The following DCTD variants were observed in gnomAD, a reference collection of about 807,000 sequenced individuals.
DCTD encodes the protein deoxycytidylate deaminase.
In DCTD, 23 loss-of-function variants were observed where a neutral mutation model predicts 21.0. The observed-to-expected ratio is 1.09, with a 90% CI of 0.79 to 1.55. The LOEUF is 1.55. Ranked by LOEUF, DCTD falls within the 40% of genes most tolerant of loss-of-function variation. The pLI is 0.00. For missense variants in DCTD, 224 were observed against 230.0 expected (o/e 0.97, Z 0.17); for synonymous variants, 71 against 81.1 (o/e 0.88, Z 0.67).
chr4:182,913,224 C>A (rs941076665), intron 3 of DCTD, among the ~76,000 whole-genome samples: 12 of 152,224 alleles, frequency 7.9e-5, no homozygotes, highest in African/African-American at 2.9e-4. Flanking sequence ...TCCACTACCA[C>A]CGGCTCTGAA....
At position 182,903,081 on chromosome 4, in the gene DCTD, G is replaced by A. The variant is rs114138460; in HGVS notation, c.245-8476C>T. On this transcript the variant is annotated intron_variant, in intron 3 of 5. Transcript: ENST00000438320. ...GCTACGAATAGGAATAACGACACCC[G>A]CCCCTTCCCATCTCACAGGGTCACA... 3.2e-3 allele frequency among the ~76,000 whole-genome samples: 488 copies of A among 152,176 alleles called. 2 individuals are homozygous for A. The highest frequency in any genetic ancestry group is 0.011 in the African/African-American group (449 of 41,530).
chr4:182,903,757 C>T (rs189431384), intron 3 of DCTD, among the ~76,000 whole-genome samples: 4 of 152,232 alleles, frequency 2.6e-5, no homozygotes, highest in African/African-American at 9.6e-5. Flanking sequence ...CAACAATGCA[C>T]TCAGGGGTCT....
intron 3 of DCTD, among the ~76,000 whole-genome samples, chr4:182,896,470 A>T (rs1734746014): frequency 6.6e-6 from 1 of 152,232 alleles, no homozygotes; most frequent in Non-Finnish European, 1.5e-5. Flanking sequence ...AGAGGCAAAC[A>T]AGCTGTGCTT....
rs1318334719 is a variant in DCTD at position 182,916,333 on chromosome 4, G to A, written c.-7-758C>T. On this transcript the variant is annotated intron_variant, in intron 1 of 5. Coordinates refer to ENST00000438320, the MANE Select transcript of DCTD (RefSeq NM_001921.3). The stretch of plus-strand genomic sequence containing the variant: ...ACGGCAGGGAGAGCCCACGAAGGGG[G>A]TCCTAGGACTTCAGGGGAGTGGTCG... 3.1e-6 allele frequency: 3 copies of A among 970,030 alleles called. No homozygotes were observed. In the African/African-American group the frequency reaches 5.3e-5, roughly 17 times the overall value. 60.1% of individuals were successfully genotyped at this position (970,030 alleles called of 1,614,324 possible). A position where few individuals can be genotyped will look rare whatever the true frequency, so the allele number is the denominator to read the frequency against.
At chr4:182,895,805 G>T (rs1257388487) in intron 3 of DCTD, among the ~76,000 whole-genome samples, 1 of 152,222 alleles carries the variant, frequency 6.6e-6, no homozygotes, top group Admixed American at 6.5e-5. Flanking sequence ...AAAATACAGA[G>T]ATCTGTGCCC....
intron 3 of DCTD, among the ~76,000 whole-genome samples, chr4:182,904,749 G>C (rs1736366517): frequency 7.0e-6 from 1 of 143,608 alleles, no homozygotes; most frequent in South Asian, 2.2e-4. Context: ...TCTCTCAACC[G>C]ATGACCCTGC....
At chr4:182,906,732 T>C (rs1736783374) in intron 3 of DCTD, among the ~76,000 whole-genome samples, 1 of 152,256 alleles carries the variant, frequency 6.6e-6, no homozygotes, top group Non-Finnish European at 1.5e-5. Flanking sequence ...ATTAATGGCA[T>C]TTTGAACAAA....
In DCTD at chr4:182,900,467, T is replaced by C. The variant is rs534689868; in HGVS notation, c.245-5862A>G. The stretch of plus-strand genomic sequence containing the variant: ...TTTTTGTTGTGTTGCCTGGATGAAC[T>C]GCAGCAAGAGCTACAACTAACCAAA... On this transcript the variant is annotated intron_variant, in intron 3 of 5. Coordinates refer to ENST00000438320, the MANE Select transcript of DCTD (RefSeq NM_001921.3). Among the ~76,000 whole-genome samples, 100 of 152,330 alleles carry C rather than the reference T, an allele frequency of 6.6e-4. 1 individual carries two copies. Among genetic ancestry groups the C allele is most frequent in the Non-Finnish European group, 1.1e-3 (78 of 68,028 alleles).
intron 3 of DCTD, among the ~76,000 whole-genome samples, chr4:182,913,901 T>C (rs1222140022): frequency 6.6e-6 from 1 of 152,244 alleles, no homozygotes; most frequent in Non-Finnish European, 1.5e-5. Context: ...AGAAGCAGCC[T>C]TCCCTAATTT....
At chr4:182,913,515 A>G (rs370557499) in intron 3 of DCTD, among the ~76,000 whole-genome samples, 3 of 152,360 alleles carry the variant, frequency 2.0e-5, no homozygotes, top group African/African-American at 7.2e-5. Flanking sequence ...CAGGAACATT[A>G]GTAAAAATAT....
In DCTD at chr4:182,915,349, C is replaced by T. The variant is rs150612296; in HGVS notation, c.108+112G>A. On this transcript the variant is annotated intron_variant, in intron 2 of 5. Transcript: ENST00000438320. Reference sequence around the variant, plus strand: ...TAGAAACGCAGCACAAAAGGCAGACCGACCCTGCACTTTTAAGTTGACAGG... The same window carrying T: ...TAGAAACGCAGCACAAAAGGCAGACTGACCCTGCACTTTTAAGTTGACAGG... 1.1e-5 allele frequency: 9 copies of T among 804,574 alleles called. No homozygotes were observed. In the East Asian group the frequency reaches 1.5e-4, roughly 13 times the overall value. The allele number at this position is 804,574 out of a possible 1,614,324, so 49.8% of individuals were successfully genotyped here. A position where few individuals can be genotyped will look rare whatever the true frequency, so the allele number is the denominator to read the frequency against.
intron 3 of DCTD, among the ~76,000 whole-genome samples, chr4:182,898,912 TG>T (rs1286823697): frequency 6.6e-6 from 1 of 152,250 alleles, no homozygotes; most frequent in Non-Finnish European, 1.5e-5. Flanking sequence ...CTTTTTCTTC[TG>T]TTTTAATGAA....
chr4:182,898,611 C>T lies in DCTD; in HGVS notation c.245-4006G>A, dbSNP rs562799254. On this transcript the variant is annotated intron_variant, in intron 3 of 5. Transcript: ENST00000438320. ...CCCAGGCAAACACAAGGCCGTGCTC[C>T]CAGCCCCTTCCTCCCTCCATCTCTG... Among the ~76,000 whole-genome samples, 4 of 152,256 alleles carry T rather than the reference C, an allele frequency of 2.6e-5. No individual in the cohort carries two copies. In the South Asian group the frequency reaches 6.2e-4, roughly 24 times the overall value.
intron 3 of DCTD, among the ~76,000 whole-genome samples, chr4:182,901,633 A>G (rs1277206334): frequency 6.6e-6 from 1 of 152,142 alleles, no homozygotes; most frequent in African/African-American, 2.4e-5. Flanking sequence ...AAGGGTCAGG[A>G]CTCGAGCTAA....
intron 3 of DCTD, among the ~76,000 whole-genome samples, chr4:182,913,660 C>T (rs1287059826): frequency 1.3e-5 from 2 of 152,212 alleles, no homozygotes; most frequent in Admixed American, 6.5e-5. Flanking sequence ...ATTTGGATGG[C>T]CTTACTCTCC....
intron 4 of DCTD, among the ~76,000 whole-genome samples, chr4:182,893,359 C>G (rs1176390233): frequency 6.6e-6 from 1 of 152,006 alleles, no homozygotes; most frequent in East Asian, 1.9e-4. Context: ...TAAACAAATG[C>G]AAAGGGAAAA....
chr4:182,906,630 G>C (rs959497715), intron 3 of DCTD, among the ~76,000 whole-genome samples: 2 of 152,200 alleles, frequency 1.3e-5, no homozygotes, highest in African/African-American at 2.4e-5. Context: ...TGACTCGTTA[G>C]TACTTATTTT....
intron 3 of DCTD, among the ~76,000 whole-genome samples, chr4:182,906,099 G>A (rs1361554804): frequency 6.6e-6 from 1 of 151,914 alleles, no homozygotes; most frequent in East Asian, 1.9e-4. Context: ...GCGAGTCGCT[G>A]TTTCCACTCT....
rs1738915008 is a variant in DCTD at position 182,917,311 on chromosome 4, C to A, written c.-8G>T. On this transcript the variant is annotated splice_region_variant and 5_prime_UTR_variant, in exon 1 of 6. An upstream start codon of the reference 5' UTR is lost. Transcript: ENST00000438320. This position sits in a 1 kb window ranked among gnomAD's most constrained non-coding sequence, Gnocchi z 4.9. ...ACCCGCACGGCTGGCCCCCGCCCACCATCCGGTGCCGGCTCCGCGCGCAGG... is the reference window on the plus strand; with the variant it reads ...ACCCGCACGGCTGGCCCCCGCCCACAATCCGGTGCCGGCTCCGCGCGCAGG... The A allele has an allele frequency of 3.7e-6, 4 of 1,087,410 alleles. No homozygotes were observed. The highest frequency in any genetic ancestry group is 4.3e-5 in the South Asian group (1 of 23,002). The allele number at this position is 1,087,410 out of a possible 1,614,324, so 67.4% of individuals were successfully genotyped here. A position where few individuals can be genotyped will look rare whatever the true frequency, so the allele number is the denominator to read the frequency against.
Sources: allele counts gnomAD v4.1 joint callset (sites outside exome capture counted in the v4.1 genomes callset), GRCh38; gene constraint gnomAD v4.1.1; non-coding constraint Gnocchi (gnomAD v3.1); transcripts MANE v1.5; gene names NCBI Gene and HGNC (gene_info 2026-07-23, HGNC 2026-07-21).